Variants in SLC5A11 observed in about 807,000 individuals in gnomAD.
SLC5A11 encodes the protein sodium/myo-inositol cotransporter 2.
In SLC5A11, 48 loss-of-function variants were observed where a neutral mutation model predicts 69.8. The ratio of observed to expected loss-of-function variants is 0.69; its 90% CI spans 0.55 to 0.87. The LOEUF is 0.87. Ranked by LOEUF, SLC5A11 falls within the 40% of genes least tolerant of loss-of-function variation. The probability of loss-of-function intolerance (pLI) is 0.00; values close to 1 mark genes in which losing one functional copy is unlikely to be tolerated. For missense variants in SLC5A11, 784 were observed against 866.1 expected (o/e 0.91, Z 1.19); for synonymous variants, 319 against 342.4 (o/e 0.93, Z 0.75).
intron 15 of SLC5A11, 130 bp downstream of exon 16, chr16:24,910,607 A>G: frequency 9.5e-7 from 1 of 1,048,380 alleles, no homozygotes; most frequent in Non-Finnish European, 1.4e-6. Context: ...CTCTGGCTCC[A>G]GTGTCTGATC....
chr16:24,860,175 TACTTGGGAGGCTGA>T (rs2059703805), intron 2 of SLC5A11, among the ~76,000 whole-genome samples: 1 of 152,122 alleles, frequency 6.6e-6, no homozygotes, highest in African/African-American at 2.4e-5. Context: ...TAGTCCCAGC[TACTTGGGAGGCTGA>T]GGCAGGAGAA....
chr16:24,884,015 A>G (rs776836302), intron 7 of SLC5A11, 36 bp from the exon 9 acceptor site: 2 of 1,599,628 alleles, frequency 1.3e-6, no homozygotes, highest in Non-Finnish European at 1.7e-6. Flanking sequence ...TTCTCGTTAG[A>G]CTCCCTGACC....
chr16:24,848,515 G>A (rs990038403), intron 1 of SLC5A11, among the ~76,000 whole-genome samples: 8 of 152,264 alleles, frequency 5.3e-5, no homozygotes, highest in Admixed American at 2.0e-4. Flanking sequence ...TCCCAGCACT[G>A]TGCAGGGATC....
chr16:24,862,181 T>C (rs775871684), intron 2 of SLC5A11: 1 of 153,534 alleles, frequency 6.5e-6, no homozygotes, highest in African/African-American at 2.4e-5. Flanking sequence ...CTTTATCAGA[T>C]TGGCCTAACG....
intron 1 of SLC5A11, among the ~76,000 whole-genome samples, chr16:24,852,931 G>C (rs1048692740): frequency 6.8e-6 from 1 of 147,660 alleles, no homozygotes; most frequent in African/African-American, 2.6e-5. Flanking sequence ...TTGTTCTACT[G>C]AGTTCCCAGG....
At chr16:24,890,286 C>T (rs913713619) in intron 8 of SLC5A11, among the ~76,000 whole-genome samples, 2 of 151,692 alleles carry the variant, frequency 1.3e-5, no homozygotes, top group African/African-American at 4.8e-5. Flanking sequence ...GAGTTCGAGA[C>T]CAGCCTGGCC....
chr16:24,907,479 G>A (rs2050154273), intron 12 of SLC5A11, among the ~76,000 whole-genome samples: 1 of 152,110 alleles, frequency 6.6e-6, no homozygotes, highest in South Asian at 2.1e-4. Context: ...TTGGGAGGCC[G>A]AGGCGGTGGA....
intron 9 of SLC5A11, among the ~76,000 whole-genome samples, chr16:24,892,362 G>A (rs1410959537): frequency 2.6e-5 from 4 of 151,334 alleles, no homozygotes; most frequent in East Asian, 1.9e-4. Flanking sequence ...CACCCAGAGC[G>A]AGGCAGATAC....
chr16:24,870,738 A>G (rs1050299340), intron 4 of SLC5A11, among the ~76,000 whole-genome samples: 2 of 143,616 alleles, frequency 1.4e-5, no homozygotes, highest in African/African-American at 5.2e-5. Flanking sequence ...TGAGATTGTA[A>G]CACTGCACTT....
intron 12 of SLC5A11, 68 bp downstream of exon 13, chr16:24,907,243 C>T: frequency 6.4e-7 from 1 of 1,564,834 alleles, no homozygotes. Flanking sequence ...AGGCAAAGTC[C>T]AGGTTCAGCC....
At chr16:24,872,813 C>A (rs1160243858) in intron 5 of SLC5A11, among the ~76,000 whole-genome samples, 5 of 150,504 alleles carry the variant, frequency 3.3e-5, no homozygotes, top group Non-Finnish European at 7.4e-5. Flanking sequence ...AGGCATAAGC[C>A]ACCATGCCCA....
chr16:24,900,531 A>T (rs900614846), intron 10 of SLC5A11, among the ~76,000 whole-genome samples: 11 of 152,188 alleles, frequency 7.2e-5, no homozygotes, highest in Admixed American at 2.0e-4. Flanking sequence ...CCTTGGGAAG[A>T]TCCAGAGGGA....
At chr16:24,872,719 G>T (rs1438724886) in intron 5 of SLC5A11, among the ~76,000 whole-genome samples, 2 of 150,936 alleles carry the variant, frequency 1.3e-5, no homozygotes, top group Non-Finnish European at 3.0e-5. Flanking sequence ...CAAAAATCCT[G>T]CCATGTTACC....
chr16:24,890,837 T>A, intron 8 of SLC5A11, 32 bp from the exon 10 acceptor site: 1 of 1,609,328 alleles, frequency 6.2e-7, no homozygotes, highest in South Asian at 1.1e-5. Context: ...CCAATCTGAG[T>A]TCCCGGAAAA....
At chr16:24,889,183 G>A (rs1027089344) in intron 8 of SLC5A11, among the ~76,000 whole-genome samples, 2 of 152,082 alleles carry the variant, frequency 1.3e-5, no homozygotes, top group African/African-American at 4.8e-5. Flanking sequence ...TTAAGAATGA[G>A]AAAAGAAACA....
At chr16:24,889,868 CAAAT>C (rs2048663047) in intron 8 of SLC5A11, among the ~76,000 whole-genome samples, 2 of 152,042 alleles carry the variant, frequency 1.3e-5, no homozygotes, top group South Asian at 4.1e-4. Context: ...TTTAATGGAG[CAAAT>C]AAATAAATTA....
exon 11 of SLC5A11, chr16:24,906,740 C>G: frequency 6.2e-7 from 1 of 1,613,380 alleles, no homozygotes; most frequent in Non-Finnish European, 8.5e-7. Context: ...GTATCCCAAA[C>G]TCGTGCTGGA....
At position 24,849,424 on chromosome 16, in the gene SLC5A11, A is replaced by G. The variant is rs189284071; in HGVS notation, c.-25+2986A>G. On this transcript the variant is annotated intron_variant, in intron 1 of 15. Coordinates refer to ENST00000347898, the Ensembl canonical transcript of SLC5A11. The stretch of plus-strand genomic sequence containing the variant: ...TCTACTAAAAACACAAAAATTAGCC[A>G]GGCGTGGTGACACATGCCTGTAATC... 7.9e-3 allele frequency among the ~76,000 whole-genome samples: 1,190 copies of G among 151,028 alleles called. 13 individuals carry two copies. Among genetic ancestry groups the G allele is most frequent in the African/African-American group, 0.027 (1,130 of 41,150 alleles).
chr16:24,910,534 T>G, intron 15 of SLC5A11, 57 bp downstream of exon 16: 1 of 660,532 alleles, frequency 1.5e-6, no homozygotes. Context: ...AAGGGATTGA[T>G]TTTTTTTTTT....
Sources: gnomAD v4.1 joint callset for allele counts (sites outside exome capture counted in the v4.1 genomes callset) on GRCh38, gnomAD v4.1.1 for gene constraint, MANE v1.5 for transcripts, NCBI Gene and HGNC (gene_info 2026-07-23, HGNC 2026-07-21) for gene names.